The following KSR2 variants were observed in gnomAD, a reference collection of about 807,000 sequenced individuals.
KSR2 encodes kinase suppressor of ras 2.
KSR2 carries 25 observed loss-of-function variants against 107.8 expected under a neutral mutation model. The ratio of observed to expected loss-of-function variants is 0.23; its 90% CI spans 0.17 to 0.32. The LOEUF (loss-of-function observed/expected upper bound fraction) is 0.32. Ranked by LOEUF, KSR2 falls within the 10% of genes least tolerant of loss-of-function variation. The pLI, the probability that KSR2 is intolerant of heterozygous loss-of-function variation, is 1.00. For synonymous variants in KSR2, 480 were observed against 507.0 expected, an observed-to-expected ratio of 0.95 and a Z score of 0.71; for missense variants, 887 against 1,268.9, an observed-to-expected ratio of 0.70 and a Z score of 4.57.
intron 4 of KSR2, among the ~76,000 whole-genome samples, chr12:117,759,952 A>G (rs1888935132): frequency 6.6e-6 from 1 of 152,166 alleles, no homozygotes; most frequent in African/African-American, 2.4e-5. Flanking sequence ...TACAAAAACT[A>G]CAAAAAATTA....
At chr12:117,531,272 T>TTCATTGGTCA (rs1875615097) in intron 11 of KSR2, among the ~76,000 whole-genome samples, 1 of 152,152 alleles carries the variant, frequency 6.6e-6, no homozygotes, top group African/African-American at 2.4e-5. Flanking sequence ...GCCTGAAGCA[T>TTCATTGGTCA]TCATTGGTCA....
At chr12:117,501,782 AGGG>A (rs1873392338) in intron 14 of KSR2, among the ~76,000 whole-genome samples, 2 of 152,234 alleles carry the variant, frequency 1.3e-5, no homozygotes, top group South Asian at 4.1e-4. Context: ...CCCATCAGGG[AGGG>A]GCGTGCCCCA....
chr12:117,815,651 G>GA (rs1229513885), intron 3 of KSR2, among the ~76,000 whole-genome samples: 1 of 152,110 alleles, frequency 6.6e-6, no homozygotes, highest in Non-Finnish European at 1.5e-5. Context: ...TAAGTACTAT[G>GA]AAAAAGTATG....
At chr12:117,719,511 G>A (rs1887125439) in intron 4 of KSR2, among the ~76,000 whole-genome samples, 1 of 152,128 alleles carries the variant, frequency 6.6e-6, no homozygotes, top group African/African-American at 2.4e-5. Context: ...TTCAGGTCTT[G>A]CATTCAATGT....
chr12:117,544,631 A>G (rs1464780307), intron 9 of KSR2, among the ~76,000 whole-genome samples: 1 of 152,000 alleles, frequency 6.6e-6, no homozygotes, highest in African/African-American at 2.4e-5. Context: ...AAAAAAAAAA[A>G]GAAGAAATAT....
At chr12:117,706,611 T>C (rs555649741) in intron 4 of KSR2, among the ~76,000 whole-genome samples, 1 of 152,068 alleles carries the variant, frequency 6.6e-6, no homozygotes, top group Non-Finnish European at 1.5e-5. Flanking sequence ...GGGGATTCAC[T>C]GCAAACAGAC....
intron 5 of KSR2, among the ~76,000 whole-genome samples, chr12:117,583,999 C>T (rs1282616982): frequency 1.3e-5 from 2 of 152,132 alleles, no homozygotes; most frequent in African/African-American, 4.8e-5. Flanking sequence ...CTACTCGCTC[C>T]TCTATTCTGT....
chr12:117,887,818 T>A lies in KSR2; in HGVS notation c.181-27387A>T, dbSNP rs944310545. Among the ~76,000 whole-genome samples the A allele has an allele frequency of 3.0e-4, 45 of 152,070 alleles. 1 individual carries two copies. The highest frequency in any genetic ancestry group is 1.4e-4 in the African/African-American group (6 of 41,480). On this transcript the variant is annotated intron_variant, in intron 1 of 19. Coordinates refer to ENST00000339824, the MANE Select transcript of KSR2 (RefSeq NM_173598.6). ...ATTAAAAAATAAAAATAAAAAAAAA[T>A]TTTAAAAAACTCTCCTCCACTGGCC...
chr12:117,945,180 G>A (rs1398909107), intron 1 of KSR2, among the ~76,000 whole-genome samples: 1 of 152,004 alleles, frequency 6.6e-6, no homozygotes, highest in East Asian at 1.9e-4. Flanking sequence ...AAATCAGCAA[G>A]GATATCAAGG....
intron 14 of KSR2, among the ~76,000 whole-genome samples, chr12:117,505,710 C>T (rs1439496756): frequency 6.6e-6 from 1 of 152,226 alleles, no homozygotes; most frequent in Non-Finnish European, 1.5e-5. Flanking sequence ...GCATATCCCC[C>T]AGTTGGCACC....
At chr12:117,571,770 C>G (rs1272571689) in intron 7 of KSR2, among the ~76,000 whole-genome samples, 1 of 152,152 alleles carries the variant, frequency 6.6e-6, no homozygotes, top group Non-Finnish European at 1.5e-5. Context: ...ATCTAAGGCC[C>G]TGAGAGCAGG....
At chr12:117,632,285 C>A (rs1333352151) in intron 5 of KSR2, among the ~76,000 whole-genome samples, 1 of 126,492 alleles carries the variant, frequency 7.9e-6, no homozygotes, top group Non-Finnish European at 1.6e-5. Context: ...AGTGCAGTGG[C>A]GCAATCTTGG....
chr12:117,492,225 T>C (rs1302737122), intron 14 of KSR2, among the ~76,000 whole-genome samples: 1 of 152,166 alleles, frequency 6.6e-6, no homozygotes, highest in East Asian at 1.9e-4. Context: ...GCACTGTGGG[T>C]ACAAGATGTT....
At chr12:117,854,129 C>T (rs559846364) in intron 3 of KSR2, among the ~76,000 whole-genome samples, 4 of 152,258 alleles carry the variant, frequency 2.6e-5, no homozygotes, top group Admixed American at 2.6e-4. Context: ...CTCAGCCTCC[C>T]GAGTAGCTGG....
chr12:117,527,047 G>C lies in KSR2; in HGVS notation c.1851+24C>G, dbSNP rs1355442884. The C allele has an allele frequency of 1.9e-6, 3 of 1,609,876 alleles. No individual in the cohort carries two copies. The African/African-American group carries it at 4.0e-5, about 22-fold the overall frequency. On this transcript the variant is annotated intron_variant, in intron 13 of 19. Coordinates refer to ENST00000339824, the MANE Select transcript of KSR2 (RefSeq NM_173598.6). Reference sequence around the variant, plus strand: ...TTCTGGGCAGTCCCTGGAAAATGTCGCTTCACTGCTCTCTGATTCTCACCT... The same window carrying C: ...TTCTGGGCAGTCCCTGGAAAATGTCCCTTCACTGCTCTCTGATTCTCACCT...
At chr12:117,679,961 G>A (rs1314526113) in intron 4 of KSR2, among the ~76,000 whole-genome samples, 1 of 152,208 alleles carries the variant, frequency 6.6e-6, no homozygotes, top group Admixed American at 6.5e-5. Flanking sequence ...AGTTGTGACA[G>A]AGTTGGCATA....
chr12:117,503,039 G>A (rs767385636), intron 14 of KSR2, among the ~76,000 whole-genome samples: 12 of 152,150 alleles, frequency 7.9e-5, no homozygotes, highest in Non-Finnish European at 1.3e-4. Context: ...TGAAGCCAGG[G>A]GAGTGTGCTG....
At chr12:117,932,029 G>C (rs762963216) in intron 1 of KSR2, among the ~76,000 whole-genome samples, 2 of 152,206 alleles carry the variant, frequency 1.3e-5, no homozygotes, top group East Asian at 3.8e-4. Flanking sequence ...GCTCATGCCT[G>C]TAATACCAGC....
intron 14 of KSR2, among the ~76,000 whole-genome samples, chr12:117,499,523 T>C (rs1025179378): frequency 6.6e-6 from 1 of 152,208 alleles, no homozygotes; most frequent in East Asian, 1.9e-4. Flanking sequence ...AATGAGAAAG[T>C]GGAGTCTGAA....
Sources: gnomAD v4.1 joint callset for allele counts (sites outside exome capture counted in the v4.1 genomes callset) on GRCh38, gnomAD v4.1.1 for gene constraint, MANE v1.5 for transcripts, NCBI Gene and HGNC (gene_info 2026-07-23, HGNC 2026-07-21) for gene names.